Variants in TRIAP1 observed in about 807,000 individuals in gnomAD.
TRIAP1 encodes the protein TP53-regulated inhibitor of apoptosis 1.
A neutral mutation model predicts 8.4 loss-of-function variants in TRIAP1; 8 were observed. The ratio of observed to expected loss-of-function variants is 0.96; its 90% CI spans 0.56 to 1.73. The LOEUF (loss-of-function observed/expected upper bound fraction) is 1.73. Among genes scored for constraint, TRIAP1 ranks in the 40% most tolerant of loss-of-function variants. The pLI is 0.00. For synonymous variants in TRIAP1, 35 were observed against 34.0 expected (o/e 1.03, Z -0.10); for missense variants, 90 against 96.9 (o/e 0.93, Z 0.30).
At chr12:120,446,384 T>TGGC (rs755797453), upstream of TRIAP1, 5 of 1,612,368 alleles carry the variant, frequency 3.1e-6, no homozygotes, top group African/African-American at 4.0e-5. Flanking sequence ...GCGACAGTGG[T>TGGC]GGCGGCGGCG....
rs1226716897 is a variant in TRIAP1, at chr12:120,444,855, C to G, written c.*17G>C. Reference sequence around the variant, plus strand: ...CAATTTCTGGACTTGCGAAATCCTTCAAGGTGACTGTCAAGGTCAAGAAGA... The same window carrying G: ...CAATTTCTGGACTTGCGAAATCCTTGAAGGTGACTGTCAAGGTCAAGAAGA... On this transcript the variant is annotated 3_prime_UTR_variant, in exon 2 of 2. Transcript: ENST00000546954. 1.2e-6 allele frequency: 2 copies of G among 1,608,672 alleles called. No homozygotes were observed. The highest frequency in any genetic ancestry group is 2.2e-5 in the East Asian group (1 of 44,826).
rs1425966086 is a variant in TRIAP1, at chr12:120,444,787, A to C, written c.*85T>G. On this transcript the variant is annotated 3_prime_UTR_variant, in exon 2 of 2. Coordinates refer to ENST00000546954, the MANE Select transcript of TRIAP1 (RefSeq NM_016399.3). ...TCTCCTAAGTTCCTCATCAAATCTG[A>C]TGGCTATGTTCACAGAGTTAGTTGA... 1 of 991,752 alleles carries C rather than the reference A, an allele frequency of 1.0e-6. No individual in the cohort carries two copies. Among genetic ancestry groups the C allele is most frequent in the East Asian group, 2.4e-5 (1 of 41,648 alleles). 61.4% of individuals were successfully genotyped at this position (991,752 alleles called of 1,614,324 possible).
rs1877800293 is a variant in TRIAP1 at position 120,444,509 on chromosome 12, GTA to G, written c.*361_*362del. The stretch of plus-strand genomic sequence containing the variant: ...TCATAAATAGTGACCCCAGTACAGT[GTA>G]TATGTCTTTTGCAGCAGAAATCAAG... On this transcript the variant is annotated 3_prime_UTR_variant, in exon 2 of 2. Coordinates refer to ENST00000546954, the MANE Select transcript of TRIAP1 (RefSeq NM_016399.3). 1.6e-5 allele frequency: 5 copies of G among 310,010 alleles called. No homozygotes were observed. The highest frequency in any genetic ancestry group is 5.0e-5 in the Admixed American group (1 of 19,912). The allele number at this position is 310,010 out of a possible 1,614,324, so 19.2% of individuals were successfully genotyped here. A position where few individuals can be genotyped will look rare whatever the true frequency, so the allele number is the denominator to read the frequency against.
In TRIAP1 at chr12:120,446,347, G is replaced by A. The variant is rs1002419164; in HGVS notation, c.26C>T (p.Thr9Met). 15 of 1,614,092 alleles carry A rather than the reference G, an allele frequency of 9.3e-6. No individual in the cohort carries two copies. Among genetic ancestry groups the A allele is most frequent in the African/African-American group, 5.3e-5 (4 of 74,944 alleles). ...CTGGTCGTACTCGCGCTTCATGTCC[G>A]TGCATGCCTCCCCCACACTGTTCAT... is the stretch of plus-strand genomic sequence containing the variant. MNSVGEACTDMKREYDQCF... is the reference protein window; with the variant it reads MNSVGEACMDMKREYDQCF... The change falls in exon 1 of 2, where the codon ACG (threonine) becomes ATG (methionine). Residue 9 changes from threonine to methionine, a missense_variant. Thr to Met is a moderately conservative substitution (Grantham distance 81, BLOSUM62 -1). Coordinates refer to ENST00000546954, the MANE Select transcript of TRIAP1 (RefSeq NM_016399.3).
In TRIAP1 at chr12:120,444,556, A is replaced by T. The variant is rs1877801395; in HGVS notation, c.*316T>A. 2 of 338,664 alleles carry T rather than the reference A, an allele frequency of 5.9e-6. No individual in the cohort carries two copies. The highest frequency in any genetic ancestry group is 4.4e-5 in the African/African-American group (2 of 45,834). The allele number at this position is 338,664 out of a possible 1,614,324, so 21.0% of individuals were successfully genotyped here. A position where few individuals can be genotyped will look rare whatever the true frequency, so the allele number is the denominator to read the frequency against. On this transcript the variant is annotated 3_prime_UTR_variant, in exon 2 of 2. Transcript: ENST00000546954. Reference sequence around the variant, plus strand: ...ATCAAGAGGTCAGGCAGCTCTGCTCATCCTGACTAGTTTATCATCGTTTGC... The same window carrying T: ...ATCAAGAGGTCAGGCAGCTCTGCTCTTCCTGACTAGTTTATCATCGTTTGC...
chr12:120,444,501 A>C lies in TRIAP1; in HGVS notation c.*371T>G, dbSNP rs1361388528. On this transcript the variant is annotated 3_prime_UTR_variant, in exon 2 of 2. Coordinates refer to ENST00000546954, the MANE Select transcript of TRIAP1 (RefSeq NM_016399.3). Reference sequence around the variant, plus strand: ...AATTGCTTTCATAAATAGTGACCCCAGTACAGTGTATATGTCTTTTGCAGC... The same window carrying C: ...AATTGCTTTCATAAATAGTGACCCCCGTACAGTGTATATGTCTTTTGCAGC... 1 of 274,856 alleles carries C rather than the reference A, an allele frequency of 3.6e-6. No individual in the cohort carries two copies. The highest frequency in any genetic ancestry group is 5.4e-5 in the Admixed American group (1 of 18,414). 17.0% of individuals were successfully genotyped at this position (274,856 alleles called of 1,614,324 possible). A position where few individuals can be genotyped will look rare whatever the true frequency, so the allele number is the denominator to read the frequency against.
intron 1 of TRIAP1, among the ~76,000 whole-genome samples, chr12:120,445,602 A>C (rs1260556025): frequency 6.6e-6 from 1 of 152,140 alleles, no homozygotes; most frequent in East Asian, 1.9e-4. Flanking sequence ...GACAGCAACT[A>C]CCTCGGGGAA....
chr12:120,444,990 C>T (rs1877813647), intron 1 of TRIAP1, 35 bp from the exon 2 acceptor site: 9 of 1,469,848 alleles, frequency 6.1e-6, no homozygotes, highest in South Asian at 2.4e-5. Context: ...TAAAGACCTA[C>T]ATGAAGCTTA....
At chr12:120,446,108 C>G in intron 1 of TRIAP1, 118 bp downstream of exon 1, 1 of 1,430,816 alleles carries the variant, frequency 7.0e-7, no homozygotes, top group East Asian at 2.4e-5. Flanking sequence ...TGCCACTGGC[C>G]TCACTGCGAC....
intron 1 of TRIAP1, 112 bp downstream of exon 1, chr12:120,446,114 G>A: frequency 1.4e-6 from 2 of 1,464,408 alleles, no homozygotes; most frequent in Admixed American, 4.7e-5. Flanking sequence ...TGGCCTCACT[G>A]CGACTTTTCT....
In TRIAP1 at chr12:120,446,297, T is replaced by C; in HGVS notation, c.76A>G (p.Lys26Glu). ...CCGGAGCTGTCCCCCTTGAGAAATT[T>C]CTCGGCGAACCAGCGATTGAAGCAC... The part of the protein sequence containing the change: ...DQCFNRWFAE[K>E]FLKGDSSGDP... The change falls in exon 1 of 2, where the codon AAA becomes GAA. Residue 26 changes from lysine (K) to glutamate (E), a missense_variant. Physicochemically the swap from Lys to Glu is moderately conservative, Grantham distance 56. Transcript: ENST00000546954. 1 of 1,614,172 alleles carries C rather than the reference T, an allele frequency of 6.2e-7. No individual in the cohort carries two copies.
At chr12:120,445,223 T>C (rs1877819539) in intron 1 of TRIAP1, among the ~76,000 whole-genome samples, 1 of 152,180 alleles carries the variant, frequency 6.6e-6, no homozygotes, top group South Asian at 2.1e-4. Flanking sequence ...AGACCCTGTT[T>C]ATACTAAAAA....
intron 1 of TRIAP1, 104 bp from the exon 2 acceptor site, chr12:120,445,059 A>G (rs937005325): frequency 1.3e-5 from 11 of 850,786 alleles, no homozygotes; most frequent in Non-Finnish European, 2.1e-5. Context: ...GCTGATTATA[A>G]AGACTTATAA....
In TRIAP1 at chr12:120,444,888, G is replaced by A. The variant is rs144518718; in HGVS notation, c.215C>T (p.Pro72Leu). 1,039 of 1,613,584 alleles carry A rather than the reference G, an allele frequency of 6.4e-4. 3 individuals are homozygous for A. The Middle Eastern group carries it at 7.4e-3, about 12-fold the overall frequency. Residue 72 changes from proline to leucine, a missense_variant, in exon 2 of 2, where the codon CCT (proline) becomes CTT (leucine). Pro to Leu is a moderately conservative substitution (Grantham distance 98, BLOSUM62 -3). Transcript: ENST00000546954. ...CTGTCAAGGTCAAGAAGAATTTTCA[G>A]GCTTTTCTTTGCCATGGCCCATGAA... ...LEFMGHGKEK[P>L]ENSS
rs1270323336 is a variant in TRIAP1, at chr12:120,443,978, T to C, written c.*894A>G. 2.6e-5 allele frequency: 4 copies of C among 152,176 alleles called. No homozygotes were observed. The highest frequency in any genetic ancestry group is 7.2e-5 in the African/African-American group (3 of 41,438). The allele number at this position is 152,176 out of a possible 1,614,324, so 9.4% of individuals were successfully genotyped here. A position where few individuals can be genotyped will look rare whatever the true frequency, so the allele number is the denominator to read the frequency against. Reference sequence around the variant, plus strand: ...GAGGCAAATAATGATAGAAACTAAATGTTACAATTTATTCCATCTTCAGGA... The same window carrying C: ...GAGGCAAATAATGATAGAAACTAAACGTTACAATTTATTCCATCTTCAGGA... On this transcript the variant is annotated 3_prime_UTR_variant, in exon 2 of 2. Coordinates refer to ENST00000546954, the MANE Select transcript of TRIAP1 (RefSeq NM_016399.3).
intron 1 of TRIAP1, among the ~76,000 whole-genome samples, chr12:120,445,639 TTATTGG>T (rs1877829990): frequency 6.6e-6 from 1 of 152,202 alleles, no homozygotes; most frequent in Non-Finnish European, 1.5e-5. Flanking sequence ...TTGGGTTAAC[TTATTGG>T]AAGTGCTTTG....
Position 120,446,289 on chromosome 12 carries a change from G to A in TRIAP1, c.84C>T (p.Leu28=). The change falls in exon 1 of 2, where the codon CTC becomes CTT. Residue 28 remains leucine (L), a synonymous_variant. Coordinates refer to ENST00000546954, the MANE Select transcript of TRIAP1 (RefSeq NM_016399.3). ...CFNRWFAEKF[L]KGDSSGDPCT... ...ACGGGTCCCCGGAGCTGTCCCCCTT[G>A]AGAAATTTCTCGGCGAACCAGCGAT... The A allele has an allele frequency of 6.2e-7, 1 of 1,614,196 alleles. No homozygotes were observed. Among genetic ancestry groups the A allele is most frequent in the South Asian group, 1.1e-5 (1 of 91,078 alleles).
chr12:120,446,376 GAC>G lies in TRIAP1; in HGVS notation c.-6_-5del. The G allele has an allele frequency of 6.2e-7, 1 of 1,612,832 alleles. No homozygotes were observed. Among genetic ancestry groups the G allele is most frequent in the Non-Finnish European group, 8.5e-7 (1 of 1,178,914 alleles). ...ATGCCTCCCCCACACTGTTCATGGC[GAC>G]AGTGGTGGCGGCGGCGACGACGGCG... On this transcript the variant is annotated 5_prime_UTR_variant, in exon 1 of 2. Transcript: ENST00000546954.
intron 1 of TRIAP1, among the ~76,000 whole-genome samples, chr12:120,445,464 TTG>T (rs1877825388): frequency 6.6e-6 from 1 of 151,606 alleles, no homozygotes; most frequent in African/African-American, 2.4e-5. Context: ...GGAAAAGGAG[TTG>T]TGAGGGAACC....
Sources: gnomAD v4.1 joint callset for allele counts (sites outside exome capture counted in the v4.1 genomes callset) on GRCh38, gnomAD v4.1.1 for gene constraint, MANE v1.5 for transcripts, NCBI Gene and HGNC (gene_info 2026-07-23, HGNC 2026-07-21) for gene names.